Variants in ADAM12 observed in about 807,000 individuals in gnomAD.
ADAM12 encodes the protein ADAM metallopeptidase domain 12.
In ADAM12, 70 loss-of-function variants were observed where a neutral mutation model predicts 106.4. The observed-to-expected ratio is 0.66, with a 90% confidence interval of 0.54 to 0.80. The LOEUF is 0.80. Among genes scored for constraint, ADAM12 ranks in the 30% least tolerant of loss-of-function variants. ADAM12 has a pLI of 0.00. For missense variants in ADAM12, 1,010 were observed against 1,171.9 expected (o/e 0.86, Z 2.02); for synonymous variants, 420 against 433.5 (o/e 0.97, Z 0.39).
intron 1 of ADAM12, among the ~76,000 whole-genome samples, chr10:126,342,654 C>A (rs912917904): frequency 6.6e-6 from 1 of 152,192 alleles, no homozygotes; most frequent in Non-Finnish European, 1.5e-5. Flanking sequence ...TCTATTCCCA[C>A]AGACAAGAGA....
intron 11 of ADAM12, among the ~76,000 whole-genome samples, chr10:126,072,141 T>C (rs991546135): frequency 6.6e-6 from 1 of 152,204 alleles, no homozygotes; most frequent in Non-Finnish European, 1.5e-5. Context: ...GGCCTGCTGA[T>C]GCTGGCATTC....
intron 4 of ADAM12, among the ~76,000 whole-genome samples, chr10:126,143,614 G>A (rs1269956930): frequency 1.1e-5 from 1 of 94,808 alleles, no homozygotes; most frequent in Non-Finnish European, 2.8e-5. Context: ...TATGTATATG[G>A]GGGTGCGTGG....
At chr10:126,210,458 C>T (rs761840527) in intron 3 of ADAM12, among the ~76,000 whole-genome samples, 2 of 152,162 alleles carry the variant, frequency 1.3e-5, no homozygotes, top group African/African-American at 2.4e-5. Flanking sequence ...AGGCAATGAC[C>T]ACACAGCATG....
intron 3 of ADAM12, among the ~76,000 whole-genome samples, chr10:126,177,627 G>A (rs2133776297): frequency 6.6e-6 from 1 of 152,174 alleles, no homozygotes; most frequent in East Asian, 1.9e-4. Context: ...TTATTTAAAA[G>A]ACAAAAGTAA....
intron 3 of ADAM12, among the ~76,000 whole-genome samples, chr10:126,201,482 G>A (rs547444789): frequency 6.6e-6 from 1 of 152,242 alleles, no homozygotes; most frequent in East Asian, 1.9e-4. Context: ...AGGCGAGGAA[G>A]GGTTCCTCCC....
chr10:126,201,848 A>C (rs1440433132), intron 3 of ADAM12, among the ~76,000 whole-genome samples: 1 of 152,228 alleles, frequency 6.6e-6, no homozygotes, highest in African/African-American at 2.4e-5. Flanking sequence ...AAACAAAAAC[A>C]GAGAGGTGTT....
At chr10:126,224,807 G>A (rs929971183) in intron 3 of ADAM12, among the ~76,000 whole-genome samples, 20 of 152,214 alleles carry the variant, frequency 1.3e-4, no homozygotes, top group Admixed American at 7.2e-4. Context: ...GGAGAGGGGC[G>A]TGTCTGGAGG....
intron 11 of ADAM12, among the ~76,000 whole-genome samples, chr10:126,083,048 C>A (rs113970984): frequency 1.3e-5 from 2 of 152,224 alleles, no homozygotes; most frequent in Non-Finnish European, 2.9e-5. Context: ...CGCAGGTGAC[C>A]GGCCTCATGT....
chr10:126,220,765 A>G (rs1958075273), intron 3 of ADAM12, among the ~76,000 whole-genome samples: 1 of 152,218 alleles, frequency 6.6e-6, no homozygotes, highest in Admixed American at 6.5e-5. Context: ...GCAGTTGGAA[A>G]GTCTAGGAAT....
intron 1 of ADAM12, among the ~76,000 whole-genome samples, chr10:126,378,245 C>T (rs555496328): frequency 2.6e-5 from 4 of 152,230 alleles, no homozygotes; most frequent in South Asian, 4.1e-4. Context: ...TAACAAAATA[C>T]GTTACAGTAA....
At chr10:126,022,148 ATAGT>A (rs1294920757) in intron 21 of ADAM12, among the ~76,000 whole-genome samples, 2 of 152,204 alleles carry the variant, frequency 1.3e-5, no homozygotes, top group African/African-American at 2.4e-5. Flanking sequence ...AACATAGGAG[ATAGT>A]TAGGTTAGCC....
intron 2 of ADAM12, among the ~76,000 whole-genome samples, chr10:126,281,121 T>C (rs1959556409): frequency 6.6e-6 from 1 of 152,206 alleles, no homozygotes; most frequent in South Asian, 2.1e-4. Context: ...TCAGGGTTTG[T>C]AATATGTACC....
At chr10:126,090,237 T>G (rs914922575) in intron 11 of ADAM12, among the ~76,000 whole-genome samples, 4 of 150,628 alleles carry the variant, frequency 2.7e-5, no homozygotes, top group Non-Finnish European at 5.9e-5. Context: ...TCGGTGAATA[T>G]GACTTGCAGA....
chr10:126,218,208 T>C (rs1318500514), intron 3 of ADAM12, among the ~76,000 whole-genome samples: 3 of 151,936 alleles, frequency 2.0e-5, no homozygotes, highest in Non-Finnish European at 4.4e-5. Flanking sequence ...GTAACTATCA[T>C]CCACACTGAG....
intron 11 of ADAM12, among the ~76,000 whole-genome samples, chr10:126,082,212 T>C (rs2133530582): frequency 6.6e-6 from 1 of 152,266 alleles, no homozygotes; most frequent in East Asian, 1.9e-4. Context: ...AAAGCTTTTT[T>C]CTGGCCCTTT....
At chr10:126,047,505 T>G (rs569450547) in intron 16 of ADAM12, among the ~76,000 whole-genome samples, 1 of 152,298 alleles carries the variant, frequency 6.6e-6, no homozygotes, top group Admixed American at 6.5e-5. Context: ...CATTTCATCT[T>G]GAACGTGGAA....
chr10:126,017,226 C>A lies in ADAM12; in HGVS notation c.*53G>T. 1 of 1,472,928 alleles carries A rather than the reference C, an allele frequency of 6.8e-7. No homozygotes were observed. The allele number at this position is 1,472,928 out of a possible 1,614,324, so 91.2% of individuals were successfully genotyped here. ...TTGGTACAAAAAACTCCAACTGGAG[C>A]TGAAAGATAGTGCAAACTTCTGTCT... is the stretch of plus-strand genomic sequence containing the variant. On this transcript the variant is annotated 3_prime_UTR_variant, in exon 23 of 23. Coordinates refer to ENST00000448723, the MANE Select transcript of ADAM12 (RefSeq NM_001288973.2).
intron 4 of ADAM12, among the ~76,000 whole-genome samples, chr10:126,144,195 G>A (rs1267537350): frequency 6.6e-6 from 1 of 152,146 alleles, no homozygotes; most frequent in African/African-American, 2.4e-5. Context: ...GGCAAACTGG[G>A]CCTGGGAACA....
intron 3 of ADAM12, among the ~76,000 whole-genome samples, chr10:126,208,636 G>A (rs1957841363): frequency 6.6e-6 from 1 of 151,768 alleles, no homozygotes; most frequent in South Asian, 2.1e-4. Context: ...ATGTTTATTG[G>A]GGGATAAAAT....
Sources: gnomAD v4.1 joint callset for allele counts (sites outside exome capture counted in the v4.1 genomes callset) on GRCh38, gnomAD v4.1.1 for gene constraint, MANE v1.5 for transcripts, NCBI Gene and HGNC (gene_info 2026-07-23, HGNC 2026-07-21) for gene names.